The following MYO3B variants were observed in gnomAD, a reference collection of about 807,000 sequenced individuals.
MYO3B encodes myosin IIIB.
A neutral mutation model predicts 174.6 loss-of-function variants in MYO3B; 156 were observed. The observed-to-expected ratio is 0.89, with a 90% CI of 0.78 to 1.02. The LOEUF (loss-of-function observed/expected upper bound fraction) is 1.02. MYO3B is among the 50% of genes least tolerant of loss of function. The pLI is 0.00. For missense variants in MYO3B, 1,632 were observed against 1,639.4 expected (o/e 1.00, Z 0.08); for synonymous variants, 563 against 569.1 (o/e 0.99, Z 0.15).
chr2:170,429,333 G>T (rs539536468), intron 22 of MYO3B, among the ~76,000 whole-genome samples: 2 of 152,270 alleles, frequency 1.3e-5, no homozygotes, highest in Admixed American at 6.5e-5. Context: ...GAGTCTCCTA[G>T]TAGCTCGTAT....
intron 32 of MYO3B, among the ~76,000 whole-genome samples, chr2:170,639,222 T>A (rs569776779): frequency 2.7e-4 from 41 of 152,352 alleles, no homozygotes; most frequent in Non-Finnish European, 4.7e-4. Flanking sequence ...CACTAGGTGA[T>A]TTGCATCTCA....
At chr2:170,367,814 CA>C (rs2094210143) in intron 8 of MYO3B, among the ~76,000 whole-genome samples, 1 of 152,052 alleles carries the variant, frequency 6.6e-6, no homozygotes, top group Non-Finnish European at 1.5e-5. Flanking sequence ...ATAGATTATA[CA>C]AAAAGCCCTG....
intron 6 of MYO3B, among the ~76,000 whole-genome samples, chr2:170,235,065 T>C (rs116005044): frequency 0.016 from 2,403 of 152,224 alleles, 73 homozygotes; most frequent in African/African-American, 0.054. Flanking sequence ...CCTAAGAGGG[T>C]GTCTCTATTA....
chr2:170,562,903 C>T (rs922040751), intron 32 of MYO3B, among the ~76,000 whole-genome samples: 3 of 152,044 alleles, frequency 2.0e-5, no homozygotes, highest in South Asian at 2.1e-4. Context: ...TAAAGGGAAA[C>T]TATGTGAGAT....
Position 170,298,738 on chromosome 2 carries a change from G to A in MYO3B, c.750-36647G>A, listed in dbSNP as rs191041638. On this transcript the variant is annotated intron_variant, in intron 7 of 34. Transcript: ENST00000408978. ...ATACCCTGGCATGGGAGTTTTGGATGGATGGAGTTTTGGAGAGGCTGCACT... is the reference window on the plus strand; with the variant it reads ...ATACCCTGGCATGGGAGTTTTGGATAGATGGAGTTTTGGAGAGGCTGCACT... Among the ~76,000 whole-genome samples, 3 of 151,574 alleles carry A rather than the reference G, an allele frequency of 2.0e-5. No homozygotes were observed. The East Asian group carries it at 5.8e-4, about 29-fold the overall frequency.
chr2:170,617,947 G>A (rs1695571960), intron 32 of MYO3B, among the ~76,000 whole-genome samples: 1 of 152,158 alleles, frequency 6.6e-6, no homozygotes, highest in African/African-American at 2.4e-5. Flanking sequence ...GCTTATATTG[G>A]GATGTGTGAA....
intron 28 of MYO3B, among the ~76,000 whole-genome samples, chr2:170,505,737 C>A (rs1687582888): frequency 6.6e-6 from 1 of 152,214 alleles, no homozygotes; most frequent in Admixed American, 6.5e-5. Context: ...TTGTGGGCCT[C>A]CCTCTCTCAA....
At chr2:170,493,999 C>T (rs1218983289) in intron 25 of MYO3B, among the ~76,000 whole-genome samples, 2 of 152,348 alleles carry the variant, frequency 1.3e-5, no homozygotes, top group Admixed American at 6.5e-5. Flanking sequence ...ATGAGAGACC[C>T]TGGGCCAGAA....
At chr2:170,273,007 TC>T (rs1262144353) in intron 7 of MYO3B, among the ~76,000 whole-genome samples, 1 of 152,150 alleles carries the variant, frequency 6.6e-6, no homozygotes, top group Non-Finnish European at 1.5e-5. Flanking sequence ...TTGCTCTTTC[TC>T]CTTTTTCTTT....
intron 32 of MYO3B, among the ~76,000 whole-genome samples, chr2:170,636,763 C>CTGAT (rs1312405119): frequency 6.6e-6 from 1 of 152,104 alleles, no homozygotes; most frequent in African/African-American, 2.4e-5. Context: ...TGCCAGGTTT[C>CTGAT]TGATTGTTAA....
intron 32 of MYO3B, among the ~76,000 whole-genome samples, chr2:170,645,721 A>AT (rs1229434563): frequency 1.3e-5 from 2 of 152,072 alleles, no homozygotes; most frequent in African/African-American, 4.8e-5. Context: ...TGCCTTATTG[A>AT]TTTTTTAGTA....
intron 32 of MYO3B, chr2:170,601,968 CT>C: frequency 1.3e-5 from 11 of 855,648 alleles, no homozygotes; most frequent in East Asian, 2.4e-5. Context: ...CCTCGAACTT[CT>C]TTTTTGTCTC....
At chr2:170,290,432 A>T (rs13007261) in intron 7 of MYO3B, among the ~76,000 whole-genome samples, 101,708 of 152,046 alleles carry the variant, frequency 0.67, 34,226 homozygotes, top group Admixed American at 0.73. Flanking sequence ...TTATATAGTT[A>T]CCTTCTTTGT....
At chr2:170,181,927 TAGG>T (rs1249428027) in intron 1 of MYO3B, among the ~76,000 whole-genome samples, 1 of 151,978 alleles carries the variant, frequency 6.6e-6, no homozygotes, top group East Asian at 1.9e-4. Context: ...GACAGTGTGA[TAGG>T]AGACAAATGG....
chr2:170,478,889 T>TACACACACACACACAC (rs143792197), intron 25 of MYO3B, among the ~76,000 whole-genome samples: 24 of 137,312 alleles, frequency 1.7e-4, no homozygotes, highest in African/African-American at 5.8e-4. Context: ...AGGTTTTACA[T>TACACACACACACACAC]ACACACACAC....
chr2:170,361,264 C>G lies in MYO3B; in HGVS notation c.816-7958C>G, dbSNP rs568419912. Among the ~76,000 whole-genome samples the G allele has an allele frequency of 6.6e-5, 10 of 152,362 alleles. No individual in the cohort carries two copies. The South Asian group carries it at 1.9e-3, about 28-fold the overall frequency. On this transcript the variant is annotated intron_variant, in intron 8 of 34. Coordinates refer to ENST00000408978, the MANE Select transcript of MYO3B (RefSeq NM_138995.5). ...CTAAAGGGTGGCATTTGAACATAGACTAACAATCTGATAAGCTAGTTGCTG... is the reference window on the plus strand; with the variant it reads ...CTAAAGGGTGGCATTTGAACATAGAGTAACAATCTGATAAGCTAGTTGCTG...
At chr2:170,487,639 T>A (rs1686152002) in intron 25 of MYO3B, among the ~76,000 whole-genome samples, 1 of 152,240 alleles carries the variant, frequency 6.6e-6, no homozygotes, top group Admixed American at 6.5e-5. Flanking sequence ...AGCCTTGAGA[T>A]AAATTTTCAC....
intron 32 of MYO3B, among the ~76,000 whole-genome samples, chr2:170,577,525 C>T (rs1311873196): frequency 6.6e-6 from 1 of 152,156 alleles, no homozygotes; most frequent in Non-Finnish European, 1.5e-5. Flanking sequence ...TCTGTTTCTT[C>T]CATCTCTGGA....
chr2:170,203,313 C>T (rs1484918344), intron 3 of MYO3B, among the ~76,000 whole-genome samples: 1 of 152,106 alleles, frequency 6.6e-6, no homozygotes, highest in East Asian at 1.9e-4. Flanking sequence ...TTAATTTCTG[C>T]ATGAATCAAG....
Sources: gnomAD v4.1 joint callset for allele counts (sites outside exome capture counted in the v4.1 genomes callset) on GRCh38, gnomAD v4.1.1 for gene constraint, MANE v1.5 for transcripts, NCBI Gene and HGNC (gene_info 2026-07-23, HGNC 2026-07-21) for gene names.